Variants in ADGRL2 observed in about 807,000 individuals in gnomAD.
The protein encoded by ADGRL2 is calcium-independent alpha-latrotoxin receptor 2.
ADGRL2 carries 44 observed loss-of-function variants against 157.4 expected under a neutral mutation model. The observed-to-expected ratio is 0.28, with a 90% confidence interval of 0.22 to 0.36. The LOEUF (loss-of-function observed/expected upper bound fraction) is 0.36, where lower values mean the gene tolerates loss of function less well. Ranked by LOEUF, ADGRL2 falls within the 10% of genes least tolerant of loss-of-function variation. ADGRL2 has a pLI of 1.00. For synonymous variants in ADGRL2, 585 were observed against 624.7 expected, an observed-to-expected ratio of 0.94 and a Z score of 0.95; for missense variants, 1,510 against 1,768.9, an observed-to-expected ratio of 0.85 and a Z score of 2.63.
intron 3 of ADGRL2, among the ~76,000 whole-genome samples, chr1:81,693,820 T>A (rs1006765969): frequency 6.6e-6 from 1 of 152,142 alleles, no homozygotes; most frequent in Admixed American, 6.5e-5. Flanking sequence ...AAATTATATA[T>A]AGAAAAATGA....
rs943168408 is a variant in ADGRL2 at position 81,553,338 on chromosome 1, C to T, written c.-247-27538C>T. 3.3e-5 allele frequency among the ~76,000 whole-genome samples: 5 copies of T among 152,066 alleles called. No homozygotes were observed. The South Asian group carries it at 1.0e-3, about 32-fold the overall frequency. On this transcript the variant is annotated intron_variant, in intron 2 of 24. Coordinates refer to the ADGRL2 transcript ENST00000370721. Reference sequence around the variant, plus strand: ...CAAATTTCTTTGCCAAATTTAAGCACCCGGTTTTTGAACTTTTAGTATCTC... The same window carrying T: ...CAAATTTCTTTGCCAAATTTAAGCATCCGGTTTTTGAACTTTTAGTATCTC...
intron 1 of ADGRL2, among the ~76,000 whole-genome samples, chr1:81,748,488 A>G (rs530035240): frequency 1.4e-3 from 208 of 150,500 alleles, no homozygotes; most frequent in Admixed American, 2.4e-3. Flanking sequence ...AAAAAAAAAA[A>G]AAAGAAAGAA....
At chr1:81,584,063 T>C (rs1340005296) in intron 3 of ADGRL2, among the ~76,000 whole-genome samples, 2 of 152,148 alleles carry the variant, frequency 1.3e-5, no homozygotes, top group African/African-American at 4.8e-5. Flanking sequence ...CACACGCTTA[T>C]GTATACTTTG....
At chr1:81,802,483 G>A (rs1186672784) in intron 1 of ADGRL2, among the ~76,000 whole-genome samples, 2 of 152,136 alleles carry the variant, frequency 1.3e-5, no homozygotes, top group Admixed American at 1.3e-4. Context: ...CTTTTCTCGT[G>A]GAGCCATTGT....
At chr1:81,567,554 T>C (rs1336155325) in intron 2 of ADGRL2, among the ~76,000 whole-genome samples, 1 of 152,116 alleles carries the variant, frequency 6.6e-6, no homozygotes, top group Non-Finnish European at 1.5e-5. Context: ...AAACACTTCG[T>C]GTCCCAAGAT....
At chr1:81,795,511 T>G (rs1032961137), upstream of ADGRL2, among the ~76,000 whole-genome samples, 10 of 152,342 alleles carry the variant, frequency 6.6e-5, no homozygotes, top group South Asian at 1.0e-3. Flanking sequence ...ACATTATAAG[T>G]GTTATACACA....
chr1:81,731,229 A>G (rs569117105), intron 1 of ADGRL2, among the ~76,000 whole-genome samples: 7 of 152,272 alleles, frequency 4.6e-5, no homozygotes, highest in African/African-American at 1.2e-4. Context: ...TGCATATACT[A>G]TGTTAGGTTT....
intron 1 of ADGRL2, among the ~76,000 whole-genome samples, chr1:81,376,438 A>T (rs1294778107): frequency 3.3e-5 from 5 of 152,150 alleles, no homozygotes; most frequent in Non-Finnish European, 7.4e-5. Flanking sequence ...GGTTGACTAA[A>T]CCCAAAGTAA....
At chr1:81,756,345 T>A (rs558746253) in intron 1 of ADGRL2, among the ~76,000 whole-genome samples, 1 of 152,272 alleles carries the variant, frequency 6.6e-6, no homozygotes, top group South Asian at 2.1e-4. Flanking sequence ...CATTCATTAT[T>A]CACTGAATAT....
At chr1:81,671,585 T>TC (rs1557553642) in intron 3 of ADGRL2, among the ~76,000 whole-genome samples, 1 of 151,916 alleles carries the variant, frequency 6.6e-6, no homozygotes, top group African/African-American at 2.4e-5. Context: ...CAATCTCAGC[T>TC]CACAGCAACC....
intron 1 of ADGRL2, among the ~76,000 whole-genome samples, chr1:81,761,051 C>T (rs2085864589): frequency 6.6e-6 from 1 of 151,670 alleles, no homozygotes; most frequent in Admixed American, 6.6e-5. Context: ...AGTAGGACAT[C>T]CTTCAAATCC....
chr1:81,929,980 C>A (rs2095192437), intron 3 of ADGRL2, among the ~76,000 whole-genome samples: 1 of 152,096 alleles, frequency 6.6e-6, no homozygotes, highest in Non-Finnish European at 1.5e-5. Flanking sequence ...TAATACATTG[C>A]TTATGGACTC....
At chr1:81,719,277 C>T (rs1046664062) in intron 1 of ADGRL2, among the ~76,000 whole-genome samples, 5 of 152,232 alleles carry the variant, frequency 3.3e-5, no homozygotes, top group Admixed American at 3.3e-4. Flanking sequence ...ACCATCCGTT[C>T]CTCACAATCA....
intron 2 of ADGRL2, among the ~76,000 whole-genome samples, chr1:81,526,772 C>A (rs1276425168): frequency 1.3e-5 from 2 of 152,132 alleles, no homozygotes; most frequent in African/African-American, 4.8e-5. Context: ...AAGTCTATTT[C>A]GAATATACAC....
chr1:81,366,230 G>A (rs1278699115), intron 1 of ADGRL2, among the ~76,000 whole-genome samples: 3 of 151,532 alleles, frequency 2.0e-5, no homozygotes, highest in African/African-American at 7.3e-5. Flanking sequence ...GGAATCTTAG[G>A]CACTTCCATC....
chr1:81,738,216 G>A (rs1208403303), intron 1 of ADGRL2, among the ~76,000 whole-genome samples: 1 of 152,194 alleles, frequency 6.6e-6, no homozygotes, highest in African/African-American at 2.4e-5. Flanking sequence ...TAAGTGATAA[G>A]CAATACACCA....
At chr1:81,419,410 G>A (rs1041908336) in intron 1 of ADGRL2, among the ~76,000 whole-genome samples, 2 of 152,114 alleles carry the variant, frequency 1.3e-5, no homozygotes, top group Admixed American at 1.3e-4. Flanking sequence ...GTTTCACCAT[G>A]TTGCCCAGGC....
chr1:81,722,735 TAGAA>T (rs1445052299), intron 1 of ADGRL2: 1 of 899,332 alleles, frequency 1.1e-6, no homozygotes, highest in Non-Finnish European at 1.8e-6. Context: ...GATCAAAGAA[TAGAA>T]AGAGTTAAGA....
intron 1 of ADGRL2, among the ~76,000 whole-genome samples, chr1:81,340,212 C>T (rs915712924): frequency 1.3e-5 from 2 of 152,162 alleles, no homozygotes; most frequent in African/African-American, 4.8e-5. Context: ...ATAGCATAAA[C>T]AAACAGTATG....
Sources: gnomAD v4.1 joint callset for allele counts (sites outside exome capture counted in the v4.1 genomes callset) on GRCh38, gnomAD v4.1.1 for gene constraint, MANE v1.5 for transcripts, NCBI Gene and HGNC (gene_info 2026-07-23, HGNC 2026-07-21) for gene names.